SEPTIN14: variants seen among roughly 807,000 people sequenced by gnomAD.
SEPTIN14 encodes the protein septin-14.
Under a neutral mutation model 53.6 loss-of-function variants are expected in SEPTIN14, and 40 were observed. That is an observed-to-expected ratio of 0.75 (90% confidence interval 0.58 to 0.97). The LOEUF (loss-of-function observed/expected upper bound fraction) is 0.97. Ranked by LOEUF, SEPTIN14 falls within the 50% of genes least tolerant of loss-of-function variation. The probability of loss-of-function intolerance (pLI) is 0.00; values close to 1 mark genes in which losing one functional copy is unlikely to be tolerated. For missense variants in SEPTIN14, 471 were observed against 508.2 expected (o/e 0.93, Z 0.70); for synonymous variants, 138 against 166.8 (o/e 0.83, Z 1.33).
In SEPTIN14 at chr7:55,833,271, C is replaced by T. The variant is rs749230347; in HGVS notation, c.720+1154G>A. 9.9e-4 allele frequency among the ~76,000 whole-genome samples: 149 copies of T among 150,814 alleles called. 1 individual carries two copies. Among genetic ancestry groups the T allele is most frequent in the Admixed American group, 3.1e-3 (47 of 15,142 alleles). On this transcript the variant is annotated intron_variant, in intron 6 of 9. Coordinates refer to ENST00000388975, the MANE Select transcript of SEPTIN14 (RefSeq NM_207366.3). ...CAGAGGTTGCAGTGAGCTGAGATTG[C>T]GCCACTGCACTCCAGCCTGGGCAAC... is the stretch of plus-strand genomic sequence containing the variant.
chr7:55,843,028 C>A lies in SEPTIN14; in HGVS notation c.472G>T (p.Val158Phe). The A allele has an allele frequency of 6.3e-7, 1 of 1,595,172 alleles. No homozygotes were observed. Among genetic ancestry groups the A allele is most frequent in the Non-Finnish European group, 8.5e-7 (1 of 1,170,184 alleles). Residue 158 changes from valine to phenylalanine, a missense_variant, in exon 5 of 10, where the codon GTC (valine) becomes TTC (phenylalanine). Val to Phe is a conservative substitution (Grantham distance 50). Coordinates refer to ENST00000388975, the MANE Select transcript of SEPTIN14 (RefSeq NM_207366.3). ...GAAATGAAGTAAAGACACACGTGGA[C>A]GCGAGAATCATGGTACTCAAACAAG... The part of the protein sequence containing the change: ...RSLFEYHDSR[V>F]HVCLYFISPT...
intron 9 of SEPTIN14, among the ~76,000 whole-genome samples, chr7:55,802,939 AC>A (rs759082858): frequency 2.0e-4 from 30 of 148,934 alleles, no homozygotes; most frequent in East Asian, 9.9e-4. Flanking sequence ...ATGAAACTGA[AC>A]TTTTTTTTTT....
intron 7 of SEPTIN14, among the ~76,000 whole-genome samples, chr7:55,812,399 A>C (rs1183432650): frequency 6.6e-6 from 1 of 152,168 alleles, no homozygotes; most frequent in Non-Finnish European, 1.5e-5. Flanking sequence ...ACAGAAATAG[A>C]GAGTAGACAG....
intron 6 of SEPTIN14, among the ~76,000 whole-genome samples, chr7:55,831,631 TA>T (rs1236529704): frequency 1.3e-5 from 2 of 152,026 alleles, no homozygotes; most frequent in African/African-American, 4.8e-5. Flanking sequence ...AAATGAGACT[TA>T]AACTAAAGAG....
chr7:55,809,659 A>G (rs1788667487), intron 7 of SEPTIN14, among the ~76,000 whole-genome samples: 1 of 151,070 alleles, frequency 6.6e-6, no homozygotes, highest in Admixed American at 6.6e-5. Flanking sequence ...TCCAGCCAGT[A>G]CTATGCTAAT....
intron 9 of SEPTIN14, among the ~76,000 whole-genome samples, chr7:55,799,143 C>A (rs1458518258): frequency 6.6e-6 from 1 of 151,998 alleles, no homozygotes; most frequent in Admixed American, 6.6e-5. Context: ...AGAAACAATT[C>A]TCAATAATAT....
Position 55,795,568 on chromosome 7 carries a change from A to T in SEPTIN14, c.*345T>A. 3.7e-6 allele frequency: 1 copy of T among 268,636 alleles called. No homozygotes were observed. The allele number at this position is 268,636 out of a possible 1,614,324, so 16.6% of individuals were successfully genotyped here. ...CTGCAACCTCCACCTCCGGGGTTCA[A>T]GTGATTCTCCTGCCTCAGCCTCCCA... On this transcript the variant is annotated 3_prime_UTR_variant, in exon 10 of 10. Coordinates refer to ENST00000388975, the MANE Select transcript of SEPTIN14 (RefSeq NM_207366.3).
At chr7:55,852,138 T>TG (rs1328985553) in intron 2 of SEPTIN14, among the ~76,000 whole-genome samples, 1 of 91,616 alleles carries the variant, frequency 1.1e-5, no homozygotes, top group Non-Finnish European at 2.1e-5. Flanking sequence ...TGAGACTCTG[T>TG]CAAAAAAAAA....
rs1424186754 is a variant in SEPTIN14 at position 55,861,888 on chromosome 7, A to G, written c.54+55T>C. 7 of 1,098,626 alleles carry G rather than the reference A, an allele frequency of 6.4e-6. No homozygotes were observed. In the Admixed American group the frequency reaches 1.2e-4, roughly 19 times the overall value. The allele number at this position is 1,098,626 out of a possible 1,614,324, so 68.1% of individuals were successfully genotyped here. On this transcript the variant is annotated intron_variant, in intron 2 of 9. Transcript: ENST00000388975. ...TTTTCCAAGTCAATATTTTTAGGCT[A>G]TATAATCTTATTGAAGTACAAAATG...
intron 4 of SEPTIN14, 26 bp from the exon 5 acceptor site, chr7:55,843,154 A>G: frequency 1.4e-6 from 2 of 1,403,256 alleles, no homozygotes; most frequent in Non-Finnish European, 1.9e-6. Context: ...TACATTTAGC[A>G]TAACAGACTA....
chr7:55,815,998 G>C (rs1028404288), intron 7 of SEPTIN14, among the ~76,000 whole-genome samples: 2 of 152,128 alleles, frequency 1.3e-5, no homozygotes, highest in African/African-American at 4.8e-5. Flanking sequence ...ACATATACAT[G>C]ATGGAGTACT....
At position 55,843,061 on chromosome 7, in the gene SEPTIN14, T is replaced by C. The variant is rs775215220; in HGVS notation, c.439A>G (p.Lys147Glu). Residue 147 changes from lysine to glutamate, a missense_variant, in exon 5 of 10, where the codon AAA (lysine) becomes GAA (glutamate). Transcript: ENST00000388975. ...EAYLQEELKI[K>E]RSLFEYHDSR... ...TCATGGTACTCAAACAAGGAACGTT[T>C]AATCTTCAGTTCTTCTTGAAGATAG... 6.2e-7 allele frequency: 1 copy of C among 1,608,346 alleles called. No individual in the cohort carries two copies. Among genetic ancestry groups the C allele is most frequent in the Admixed American group, 1.7e-5 (1 of 58,746 alleles).
chr7:55,825,689 G>A lies in SEPTIN14; in HGVS notation c.721-6466C>T, dbSNP rs147599016. Among the ~76,000 whole-genome samples the A allele has an allele frequency of 3.0e-3, 457 of 152,224 alleles. 2 individuals are homozygous for A. The highest frequency in any genetic ancestry group is 4.5e-3 in the African/African-American group (187 of 41,542). On this transcript the variant is annotated intron_variant, in intron 6 of 9. Transcript: ENST00000388975. ...TACATTTAAAAAGAAGGATGGGGCC[G>A]GGCGTGGTGACTCACACCTGTAATC...
intron 2 of SEPTIN14, 67 bp from the exon 3 acceptor site, chr7:55,846,704 G>A: frequency 1.2e-6 from 1 of 801,072 alleles, no homozygotes; most frequent in Non-Finnish European, 2.0e-6. Context: ...AAAGGAAAAT[G>A]ATTATAGTAC....
chr7:55,841,504 G>A (rs915248792), intron 5 of SEPTIN14, among the ~76,000 whole-genome samples: 17 of 152,088 alleles, frequency 1.1e-4, no homozygotes, highest in Admixed American at 9.2e-4. Context: ...CAGATCACTC[G>A]AGGTCAGGAG....
rs1207355480 is a variant in SEPTIN14, at chr7:55,819,125, A to G, written c.817+2T>C. The G allele has an allele frequency of 2.6e-6, 4 of 1,551,166 alleles. No homozygotes were observed. The highest frequency in any genetic ancestry group is 3.5e-6 in the Non-Finnish European group (4 of 1,138,038). On this transcript the variant is annotated splice_donor_variant, in intron 7 of 9. Transcript: ENST00000388975. LOFTEE classifies it high-confidence loss of function. ...CCAAAGCCTGCCCTCTGTCATTTTTACCTTGCAAAACTCCCCAAGGGTAGT... is the reference window on the plus strand; with the variant it reads ...CCAAAGCCTGCCCTCTGTCATTTTTGCCTTGCAAAACTCCCCAAGGGTAGT...
chr7:55,851,718 GAA>G (rs1441970579), intron 2 of SEPTIN14, among the ~76,000 whole-genome samples: 1 of 152,044 alleles, frequency 6.6e-6, no homozygotes, highest in African/African-American at 2.4e-5. Context: ...CACAGAAATA[GAA>G]AAAATAGGCC....
At chr7:55,818,987 G>A in intron 7 of SEPTIN14, 140 bp downstream of exon 7, 1 of 609,046 alleles carries the variant, frequency 1.6e-6, no homozygotes, top group Non-Finnish European at 2.9e-6. Context: ...CAGAGTTTGT[G>A]TTCCCCATTA....
Position 55,844,667 on chromosome 7 carries a change from TTAG to T in SEPTIN14, c.224_226del (p.Thr75del). ...ATGTGAGGATTTGTTATCTTTCAAGTTAGTATTAAACAATGTGTCTATCAGTGT... is the reference window on the plus strand; with the variant it reads ...ATGTGAGGATTTGTTATCTTTCAAGTTATTAAACAATGTGTCTATCAGTGT... On this transcript the variant is annotated inframe_deletion, in exon 4 of 10. Coordinates refer to ENST00000388975, the MANE Select transcript of SEPTIN14 (RefSeq NM_207366.3). 6.2e-7 allele frequency: 1 copy of T among 1,610,588 alleles called. No individual in the cohort carries two copies. Among genetic ancestry groups the T allele is most frequent in the Non-Finnish European group, 8.5e-7 (1 of 1,177,398 alleles).
Sources: allele counts gnomAD v4.1 joint callset (sites outside exome capture counted in the v4.1 genomes callset), GRCh38; gene constraint gnomAD v4.1.1; transcripts MANE v1.5; gene names NCBI Gene and HGNC (gene_info 2026-07-23, HGNC 2026-07-21).